Variants in PLA2G4A observed in about 807,000 individuals in gnomAD.
PLA2G4A encodes phospholipase A2 group IVA.
A neutral mutation model predicts 81.9 loss-of-function variants in PLA2G4A; 40 were observed. The observed-to-expected ratio is 0.49, with a 90% CI of 0.38 to 0.64. PLA2G4A has a LOEUF of 0.64. Ranked by LOEUF, PLA2G4A falls within the 30% of genes least tolerant of loss-of-function variation. The pLI is 0.00. For synonymous variants in PLA2G4A, 302 were observed against 296.9 expected (o/e 1.02, Z -0.18); for missense variants, 715 against 905.1 (o/e 0.79, Z 2.69).
intron 1 of PLA2G4A, among the ~76,000 whole-genome samples, chr1:186,837,754 A>AAAAAAAAG (rs1558346554): frequency 7.1e-6 from 1 of 140,134 alleles, no homozygotes; most frequent in Non-Finnish European, 1.5e-5. Context: ...AAAAAAAAAG[A>AAAAAAAAG]AAAAGAAAAG....
At chr1:186,898,207 T>C (rs892739313) in intron 5 of PLA2G4A, among the ~76,000 whole-genome samples, 2 of 152,132 alleles carry the variant, frequency 1.3e-5, no homozygotes, top group Non-Finnish European at 2.9e-5. Context: ...ATAGATTGTG[T>C]TATTAATATG....
At chr1:186,974,068 G>A (rs777042497) in intron 15 of PLA2G4A, among the ~76,000 whole-genome samples, 30 of 151,306 alleles carry the variant, frequency 2.0e-4, no homozygotes, top group African/African-American at 6.5e-4. Context: ...ATGTGTGTTC[G>A]TATTTTAATA....
chr1:186,918,064 C>A (rs1655203801), intron 7 of PLA2G4A, among the ~76,000 whole-genome samples: 1 of 152,320 alleles, frequency 6.6e-6, no homozygotes, highest in Middle Eastern at 3.4e-3. Context: ...TCTGATTCAT[C>A]CTCCTTTTAT....
chr1:186,956,931 G>C (rs990636940), intron 14 of PLA2G4A, among the ~76,000 whole-genome samples: 2 of 152,048 alleles, frequency 1.3e-5, no homozygotes, highest in Non-Finnish European at 2.9e-5. Flanking sequence ...GCTCACTCCT[G>C]TAATCCTAGC....
At chr1:186,903,458 A>C (rs567106773) in intron 5 of PLA2G4A, among the ~76,000 whole-genome samples, 3 of 152,320 alleles carry the variant, frequency 2.0e-5, no homozygotes, top group African/African-American at 7.2e-5. Flanking sequence ...GTTCTGGTCT[A>C]TGGCAAGTTA....
At chr1:186,871,492 A>G (rs1247543548) in intron 3 of PLA2G4A, among the ~76,000 whole-genome samples, 1 of 152,182 alleles carries the variant, frequency 6.6e-6, no homozygotes, top group Non-Finnish European at 1.5e-5. Context: ...GGAAACAGGT[A>G]GGGTTCCCAG....
At position 186,855,821 on chromosome 1, in the gene PLA2G4A, G is replaced by A. The variant is rs1023402838; in HGVS notation, c.33+1434G>A. ...CTATAAATCAGGCTACCATATATGT[G>A]TGGCTTCATTTCTTTTCCGTTTTAT... On this transcript the variant is annotated intron_variant, in intron 2 of 17. Coordinates refer to ENST00000367466, the MANE Select transcript of PLA2G4A (RefSeq NM_024420.3). Among the ~76,000 whole-genome samples the A allele has an allele frequency of 2.7e-4, 41 of 152,002 alleles. 1 individual carries two copies. The highest frequency in any genetic ancestry group is 9.9e-4 in the African/African-American group (41 of 41,396).
intron 12 of PLA2G4A, among the ~76,000 whole-genome samples, chr1:186,949,874 A>T (rs373847622): frequency 9.1e-6 from 1 of 110,226 alleles, no homozygotes; most frequent in South Asian, 3.0e-4. Flanking sequence ...AAAAAAAAAA[A>T]AAATTAAAAA....
chr1:186,902,115 C>T (rs1055760806), intron 5 of PLA2G4A, among the ~76,000 whole-genome samples: 5 of 152,026 alleles, frequency 3.3e-5, no homozygotes, highest in African/African-American at 7.3e-5. Context: ...CTGTATAGCA[C>T]GTTACTGCAC....
intron 5 of PLA2G4A, among the ~76,000 whole-genome samples, chr1:186,903,017 A>G (rs1191523796): frequency 6.6e-6 from 1 of 152,166 alleles, no homozygotes; most frequent in African/African-American, 2.4e-5. Flanking sequence ...TTGCACTTGG[A>G]TTGCCTCCTT....
At chr1:186,862,223 C>CTT (rs66584780) in intron 2 of PLA2G4A, among the ~76,000 whole-genome samples, 1 of 126,308 alleles carries the variant, frequency 7.9e-6, no homozygotes, top group Non-Finnish European at 1.6e-5. Context: ...TAGTTATGAA[C>CTT]TTTTTTTTTG....
Position 186,868,375 on chromosome 1 carries a change from G to A in PLA2G4A, c.34-2060G>A, listed in dbSNP as rs527269134. Reference sequence around the variant, plus strand: ...TTACAGGCGTGAGCCATTGGGCCCCGCCCGGTGTCTAATTCTTTTTCTATG... The same window carrying A: ...TTACAGGCGTGAGCCATTGGGCCCCACCCGGTGTCTAATTCTTTTTCTATG... On this transcript the variant is annotated intron_variant, in intron 2 of 17. Coordinates refer to ENST00000367466, the MANE Select transcript of PLA2G4A (RefSeq NM_024420.3). Among the ~76,000 whole-genome samples, 180 of 152,242 alleles carry A rather than the reference G, an allele frequency of 1.2e-3. 1 individual carries two copies. The highest frequency in any genetic ancestry group is 2.0e-3 in the Non-Finnish European group (137 of 68,008).
chr1:186,840,229 A>G (rs1394213478), intron 1 of PLA2G4A, among the ~76,000 whole-genome samples: 2 of 152,024 alleles, frequency 1.3e-5, no homozygotes, highest in Non-Finnish European at 2.9e-5. Flanking sequence ...AGCCTTCACT[A>G]GATTGCCAAA....
chr1:186,927,613 CT>C (rs747445773), intron 7 of PLA2G4A, among the ~76,000 whole-genome samples: 2 of 152,088 alleles, frequency 1.3e-5, no homozygotes, highest in Non-Finnish European at 2.9e-5. Flanking sequence ...AATGCTTTTT[CT>C]TAAGGAAGAC....
At chr1:186,908,155 A>G (rs1332776739) in intron 6 of PLA2G4A, among the ~76,000 whole-genome samples, 2 of 152,156 alleles carry the variant, frequency 1.3e-5, no homozygotes, top group Non-Finnish European at 2.9e-5. Context: ...TAAAAATAAC[A>G]TAAAAGCAAG....
intron 2 of PLA2G4A, among the ~76,000 whole-genome samples, chr1:186,857,135 T>TATAATTA (rs1558367811): frequency 0.34 from 13,796 of 40,086 alleles, 2,902 homozygotes; most frequent in Non-Finnish European, 0.41. Flanking sequence ...ATAATATATA[T>TATAATTA]TATATAATTA....
chr1:186,849,539 T>G (rs1317477772), intron 1 of PLA2G4A, among the ~76,000 whole-genome samples: 2 of 151,994 alleles, frequency 1.3e-5, no homozygotes, highest in Non-Finnish European at 2.9e-5. Flanking sequence ...ATTTCCAACC[T>G]CATCATAAGC....
intron 3 of PLA2G4A, among the ~76,000 whole-genome samples, chr1:186,878,548 C>T (rs1653605386): frequency 6.6e-6 from 1 of 151,566 alleles, no homozygotes; most frequent in South Asian, 2.1e-4. Flanking sequence ...TAAAGTGTTT[C>T]ATAACGCATG....
intron 5 of PLA2G4A, among the ~76,000 whole-genome samples, chr1:186,897,562 G>A (rs1405823778): frequency 1.3e-5 from 2 of 152,054 alleles, no homozygotes; most frequent in Non-Finnish European, 2.9e-5. Flanking sequence ...AGGCTGGAGT[G>A]CAGTGGCACA....
Sources: gnomAD v4.1 joint callset for allele counts (sites outside exome capture counted in the v4.1 genomes callset) on GRCh38, gnomAD v4.1.1 for gene constraint, MANE v1.5 for transcripts, NCBI Gene and HGNC (gene_info 2026-07-23, HGNC 2026-07-21) for gene names.